RBFOX1: variants seen among roughly 807,000 people sequenced by gnomAD.
RBFOX1 encodes RNA binding protein fox-1 homolog 1.
RBFOX1 carries 8 observed loss-of-function variants against 57.7 expected under a neutral mutation model. That is an observed-to-expected ratio of 0.14 (90% CI 0.08 to 0.25). The LOEUF is 0.25. Ranked by LOEUF, RBFOX1 falls within the 10% of genes least tolerant of loss-of-function variation. The pLI, the probability that RBFOX1 is intolerant of heterozygous loss-of-function variation, is 1.00. For missense variants in RBFOX1, 611 were observed against 548.5 expected (o/e 1.11, Z -1.14); for synonymous variants, 326 against 222.4 (o/e 1.47, Z -4.15).
chr16:6,450,811 ATATATACATATATATATATATATATGTG>A (rs2094589188), intron 2 of RBFOX1, among the ~76,000 whole-genome samples: 1 of 24,104 alleles, frequency 4.1e-5, no homozygotes, highest in African/African-American at 2.4e-4. Context: ...GTATATATAT[ATATATACATATATATATATATATATGTG>A]TATATATATA....
At chr16:5,984,946 T>TTTTATATATA (rs1450037668) in intron 4 of RBFOX1, among the ~76,000 whole-genome samples, 2 of 69,660 alleles carry the variant, frequency 2.9e-5, no homozygotes, top group Non-Finnish European at 4.8e-5. Context: ...GGCAACTCCA[T>TTTTATATATA]TATATATATA....
At chr16:6,424,514 A>G (rs546541009) in intron 2 of RBFOX1, among the ~76,000 whole-genome samples, 1 of 152,168 alleles carries the variant, frequency 6.6e-6, no homozygotes, top group Non-Finnish European at 1.5e-5. Context: ...ACTGCTCAGC[A>G]TCTTTCAGGA....
intron 1 of RBFOX1, among the ~76,000 whole-genome samples, chr16:5,284,059 G>A (rs1239335671): frequency 2.6e-5 from 4 of 152,138 alleles, no homozygotes; most frequent in African/African-American, 7.2e-5. Flanking sequence ...TCATGATAGT[G>A]AATAAGTCTC....
intron 3 of RBFOX1, among the ~76,000 whole-genome samples, chr16:5,815,024 C>T (rs2055577996): frequency 6.6e-6 from 1 of 151,772 alleles, no homozygotes; most frequent in Non-Finnish European, 1.5e-5. Context: ...CACTCTGTTA[C>T]CCAGGCTGAA....
intron 4 of RBFOX1, among the ~76,000 whole-genome samples, chr16:7,260,127 C>T (rs2094859767): frequency 1.3e-5 from 2 of 152,096 alleles, no homozygotes; most frequent in Non-Finnish European, 1.5e-5. Context: ...AGCATGAAGG[C>T]TTAGAGGAGA....
chr16:6,680,338 C>T (rs1489032310), intron 3 of RBFOX1, among the ~76,000 whole-genome samples: 1 of 137,968 alleles, frequency 7.2e-6, no homozygotes, highest in African/African-American at 2.7e-5. Flanking sequence ...TCTCAGCTCA[C>T]TGCAAGCTCC....
chr16:6,495,536 T>C (rs1020882794), intron 2 of RBFOX1, among the ~76,000 whole-genome samples: 2 of 152,332 alleles, frequency 1.3e-5, no homozygotes, highest in Middle Eastern at 3.4e-3. Flanking sequence ...TCTATTGATA[T>C]CACCCTGAAA....
At chr16:6,138,661 A>G (rs2096687201) in intron 1 of RBFOX1, among the ~76,000 whole-genome samples, 1 of 152,100 alleles carries the variant, frequency 6.6e-6, no homozygotes, top group African/African-American at 2.4e-5. Flanking sequence ...AGGTCAGGAG[A>G]TCGACACCAT....
intron 3 of RBFOX1, among the ~76,000 whole-genome samples, chr16:6,845,286 T>A (rs2093696051): frequency 6.6e-6 from 1 of 152,214 alleles, no homozygotes; most frequent in Non-Finnish European, 1.5e-5. Flanking sequence ...CCTAGGTTTT[T>A]TTTTTCTAGT....
intron 3 of RBFOX1, chr16:6,722,109 G>A (rs746152836): frequency 4.6e-5 from 7 of 152,232 alleles, no homozygotes; most frequent in African/African-American, 9.6e-5. Context: ...TGGTATAAGC[G>A]CGGTTGCACA....
intron 3 of RBFOX1, among the ~76,000 whole-genome samples, chr16:6,822,683 G>T: frequency 6.6e-6 from 1 of 152,168 alleles, no homozygotes; most frequent in Non-Finnish European, 1.5e-5. Context: ...ACGCTATGGT[G>T]TGTTTTTAAA....
At chr16:7,110,464 C>G (rs530674321) in intron 4 of RBFOX1, among the ~76,000 whole-genome samples, 2 of 152,216 alleles carry the variant, frequency 1.3e-5, no homozygotes, top group South Asian at 2.1e-4. Context: ...AAGACTTCAG[C>G]CAATTAACAC....
chr16:6,514,571 T>C (rs1454131816), intron 2 of RBFOX1, among the ~76,000 whole-genome samples: 1 of 152,196 alleles, frequency 6.6e-6, no homozygotes, highest in African/African-American at 2.4e-5. Context: ...TGTAGGCACG[T>C]ATGTGGGGGA....
chr16:7,105,549 G>A (rs2063429220), intron 4 of RBFOX1, among the ~76,000 whole-genome samples: 1 of 151,944 alleles, frequency 6.6e-6, no homozygotes, highest in Admixed American at 6.6e-5. Flanking sequence ...TCATAGCTTA[G>A]CTCCCACTTA....
intron 2 of RBFOX1, among the ~76,000 whole-genome samples, chr16:6,338,252 T>C (rs1293150183): frequency 1.3e-5 from 2 of 152,174 alleles, no homozygotes; most frequent in African/African-American, 4.8e-5. Context: ...ACACCTGTAT[T>C]CCTTTTGATC....
At chr16:7,200,002 G>A (rs969653140) in intron 4 of RBFOX1, among the ~76,000 whole-genome samples, 1 of 152,208 alleles carries the variant, frequency 6.6e-6, no homozygotes, top group Admixed American at 6.5e-5. Flanking sequence ...AATGTGCTCA[G>A]AATGTGGATA....
chr16:7,299,083 G>C (rs1486896726), intron 4 of RBFOX1, among the ~76,000 whole-genome samples: 1 of 152,162 alleles, frequency 6.6e-6, no homozygotes, highest in East Asian at 1.9e-4. Flanking sequence ...TGAAAGATGT[G>C]CGTATTTTAG....
intron 4 of RBFOX1, among the ~76,000 whole-genome samples, chr16:7,207,030 C>G (rs1016180512): frequency 2.0e-5 from 3 of 152,160 alleles, no homozygotes; most frequent in African/African-American, 4.8e-5. Context: ...ATGCTTCATC[C>G]TGGCAACTTC....
chr16:7,257,218 C>T (rs921170571), intron 4 of RBFOX1, among the ~76,000 whole-genome samples: 35 of 152,122 alleles, frequency 2.3e-4, no homozygotes, highest in African/African-American at 8.5e-4. Context: ...TTCCCATCCC[C>T]GGGGTCATGC....
Sources: allele counts gnomAD v4.1 joint callset (sites outside exome capture counted in the v4.1 genomes callset), GRCh38; gene constraint gnomAD v4.1.1; transcripts MANE v1.5; gene names NCBI Gene and HGNC (gene_info 2026-07-23, HGNC 2026-07-21).